The following C8orf74 variants were observed in gnomAD, a reference collection of about 807,000 sequenced individuals.
The protein encoded by C8orf74 is uncharacterized protein C8orf74.
C8orf74 carries 29 observed loss-of-function variants against 22.2 expected under a neutral mutation model. The ratio of observed to expected loss-of-function variants is 1.31; its 90% CI spans 0.97 to 1.78. C8orf74 has a LOEUF of 1.78. C8orf74 is among the 40% of genes most tolerant of loss of function. The pLI is 0.00. For missense variants in C8orf74, 515 were observed against 369.9 expected (o/e 1.39, Z -3.22); for synonymous variants, 255 against 163.1 (o/e 1.56, Z -4.30).
chr8:10,690,106 G>C (rs1389301427), intron 2 of C8orf74, among the ~76,000 whole-genome samples: 1 of 152,212 alleles, frequency 6.6e-6, no homozygotes, highest in Non-Finnish European at 1.5e-5. Flanking sequence ...CCACCTCCAA[G>C]AATCTACAAA....
In C8orf74 at chr8:10,674,634, C is replaced by T. The variant is rs1226211294; in HGVS notation, c.49-12C>T. 6.3e-7 allele frequency: 1 copy of T among 1,598,264 alleles called. No homozygotes were observed. Among genetic ancestry groups the T allele is most frequent in the Non-Finnish European group, 8.5e-7 (1 of 1,172,320 alleles). ...ACATCATACCCTGCAGTTCCCATGTCATTCCCTGCAGAGACCACAAGGTCG... is the reference window on the plus strand; with the variant it reads ...ACATCATACCCTGCAGTTCCCATGTTATTCCCTGCAGAGACCACAAGGTCG... On this transcript the variant is annotated splice_polypyrimidine_tract_variant and intron_variant, in intron 1 of 3. Transcript: ENST00000304519.
chr8:10,697,102 G>C (rs774969862), intron 2 of C8orf74, among the ~76,000 whole-genome samples: 2 of 152,048 alleles, frequency 1.3e-5, no homozygotes, highest in African/African-American at 4.8e-5. Flanking sequence ...AAAAAGAAAC[G>C]TGGTACACTC....
Position 10,700,485 on chromosome 8 carries a change from C to T in C8orf74, c.*14C>T. 1.3e-6 allele frequency: 2 copies of T among 1,493,928 alleles called. No homozygotes were observed. Among genetic ancestry groups the T allele is most frequent in the Non-Finnish European group, 9.0e-7 (1 of 1,105,772 alleles). The allele number at this position is 1,493,928 out of a possible 1,614,324, so 92.5% of individuals were successfully genotyped here. ...GCAAGGAAGTAGAAGGTCCCGACTG[C>T]CACACGAGACTGACTGGGGACCAGC... On this transcript the variant is annotated 3_prime_UTR_variant, in exon 4 of 4. Transcript: ENST00000304519.
intron 2 of C8orf74, among the ~76,000 whole-genome samples, chr8:10,697,383 T>C (rs1799542694): frequency 6.6e-6 from 1 of 152,170 alleles, no homozygotes; most frequent in Non-Finnish European, 1.5e-5. Context: ...TGCAGCGAGC[T>C]GCAGCTGCAG....
intron 2 of C8orf74, 136 bp from the exon 3 acceptor site, chr8:10,697,463 G>T (rs1357236507): frequency 2.9e-5 from 20 of 701,456 alleles, no homozygotes; most frequent in African/African-American, 1.8e-5. Flanking sequence ...AAAATAAATA[G>T]AAATAAATAT....
chr8:10,700,372 CACCCCTATCCCG>C lies in C8orf74; in HGVS notation c.787_798del (p.Thr263_Pro266del). 1.2e-6 allele frequency: 2 copies of C among 1,608,476 alleles called. No homozygotes were observed. The highest frequency in any genetic ancestry group is 1.7e-6 in the Non-Finnish European group (2 of 1,174,962). ...AGAAGACTCTGAACCTCAACGCCCC[CACCCCTATCCCG>C]CCCCCCATCACCAGCCACGCAGGCC... is the stretch of plus-strand genomic sequence containing the variant. On this transcript the variant is annotated inframe_deletion, in exon 4 of 4. Coordinates refer to ENST00000304519, the MANE Select transcript of C8orf74 (RefSeq NM_001040032.2).
chr8:10,682,426 C>T (rs1299482493), intron 2 of C8orf74, among the ~76,000 whole-genome samples: 1 of 152,164 alleles, frequency 6.6e-6, no homozygotes, highest in Non-Finnish European at 1.5e-5. Flanking sequence ...GCTGGAAGCC[C>T]AAGGTCAAGG....
intron 2 of C8orf74, among the ~76,000 whole-genome samples, chr8:10,683,764 C>T (rs958153944): frequency 1.2e-4 from 19 of 152,336 alleles, no homozygotes; most frequent in Non-Finnish European, 2.6e-4. Flanking sequence ...CCAGGAATCC[C>T]GTCTTTCCGG....
chr8:10,687,720 T>C (rs1242650177), intron 2 of C8orf74, among the ~76,000 whole-genome samples: 2 of 152,218 alleles, frequency 1.3e-5, no homozygotes, highest in African/African-American at 4.8e-5. Flanking sequence ...TTTACTTTTC[T>C]GTGATTTTAT....
intron 2 of C8orf74, among the ~76,000 whole-genome samples, chr8:10,678,234 G>C (rs116877915): frequency 0.013 from 2,055 of 152,298 alleles, 32 homozygotes; most frequent in Non-Finnish European, 0.022. Context: ...TCATCCTTCT[G>C]AGCCTCTGTG....
chr8:10,694,927 G>GATGC (rs1799457856), intron 2 of C8orf74, among the ~76,000 whole-genome samples: 1 of 152,000 alleles, frequency 6.6e-6, no homozygotes, highest in Non-Finnish European at 1.5e-5. Flanking sequence ...CGGATGGATG[G>GATGC]ATGGATGGTT....
chr8:10,697,198 G>C (rs987845151), intron 2 of C8orf74, among the ~76,000 whole-genome samples: 5 of 152,196 alleles, frequency 3.3e-5, no homozygotes, highest in African/African-American at 1.2e-4. Flanking sequence ...CAGTACTTTA[G>C]GAGGCCGAGG....
intron 2 of C8orf74, among the ~76,000 whole-genome samples, chr8:10,687,936 T>C (rs1799295133): frequency 6.6e-6 from 1 of 152,162 alleles, no homozygotes; most frequent in African/African-American, 2.4e-5. Flanking sequence ...CCAGGTGCAG[T>C]GGCTCACACC....
chr8:10,693,845 G>A (rs182942753), intron 2 of C8orf74, among the ~76,000 whole-genome samples: 1 of 152,218 alleles, frequency 6.6e-6, no homozygotes, highest in Non-Finnish European at 1.5e-5. Context: ...CCAGAAGACA[G>A]AGCCCTGGCT....
intron 2 of C8orf74, among the ~76,000 whole-genome samples, chr8:10,676,708 C>G (rs895694523): frequency 6.6e-6 from 1 of 152,190 alleles, no homozygotes; most frequent in African/African-American, 2.4e-5. Context: ...CATCTCATCC[C>G]CCTCCTGCCA....
Position 10,700,363 on chromosome 8 carries a change from C to T in C8orf74, c.777C>T (p.Leu259=). 6.2e-7 allele frequency: 1 copy of T among 1,613,392 alleles called. No homozygotes were observed. The highest frequency in any genetic ancestry group is 1.6e-4 in the Middle Eastern group (1 of 6,062). The change falls in exon 4 of 4, where the codon CTC becomes CTT. Residue 259 remains leucine (L), a synonymous_variant. Coordinates refer to ENST00000304519, the MANE Select transcript of C8orf74 (RefSeq NM_001040032.2). ...DLKLQKKTLN[L]NAPTPIPPPI... ...AGCTTCAGAAGAAGACTCTGAACCT[C>T]AACGCCCCCACCCCTATCCCGCCCC...
intron 2 of C8orf74, among the ~76,000 whole-genome samples, chr8:10,695,445 T>A (rs1011399452): frequency 6.6e-6 from 1 of 151,864 alleles, no homozygotes; most frequent in Non-Finnish European, 1.5e-5. Flanking sequence ...CCTCCTTCCC[T>A]CCCCCTGGAG....
rs776879306 is a variant in C8orf74 at position 10,698,003 on chromosome 8, C to G, written c.646C>G (p.Gln216Glu). 112 of 1,474,102 alleles carry G rather than the reference C, an allele frequency of 7.6e-5. No homozygotes were observed. The highest frequency in any genetic ancestry group is 9.6e-5 in the Non-Finnish European group (107 of 1,115,162). 91.3% of individuals were successfully genotyped at this position (1,474,102 alleles called of 1,614,324 possible). Residue 216 changes from glutamine (Q) to glutamate (E), a missense_variant and splice_region_variant, in exon 3 of 4, where the codon CAG becomes GAG. Transcript: ENST00000304519. ...PAQPGQVLERQELESLICQAV... is the reference protein window; with the variant it reads ...PAQPGQVLEREELESLICQAV... ...GCAGCCCGGCCAGGTCCTGGAGAGA[C>G]AGGTGAGGCTCTGCCCCCCTGCCGT...
Position 10,674,707 on chromosome 8 carries a change from G to C in C8orf74, c.110G>C (p.Arg37Thr), listed in dbSNP as rs563688740. ...LLNWEEFDEQ[R>T]DSRRSILLDT... ...AACTGGGAGGAGTTTGACGAACAGA[G>C]AGACTCCCGGAGGAGCATCCTGCTG... Residue 37 changes from arginine (R) to threonine (T), a missense_variant, in exon 2 of 4, where the codon AGA (arginine) becomes ACA (threonine). Coordinates refer to ENST00000304519, the MANE Select transcript of C8orf74 (RefSeq NM_001040032.2). The C allele has an allele frequency of 6.2e-7, 1 of 1,609,106 alleles. No homozygotes were observed. The highest frequency in any genetic ancestry group is 1.7e-5 in the Admixed American group (1 of 59,416).
Sources: gnomAD v4.1 joint callset for allele counts (sites outside exome capture counted in the v4.1 genomes callset) on GRCh38, gnomAD v4.1.1 for gene constraint, MANE v1.5 for transcripts, NCBI Gene and HGNC (gene_info 2026-07-23, HGNC 2026-07-21) for gene names.